Variants in TAFA2 observed in about 807,000 individuals in gnomAD.
The protein encoded by TAFA2 is TAFA chemokine like family member 2.
Under a neutral mutation model 18.8 loss-of-function variants are expected in TAFA2, and 7 were observed. The observed-to-expected ratio is 0.37, with a 90% CI of 0.21 to 0.70. The LOEUF (loss-of-function observed/expected upper bound fraction) is 0.70. Ranked by LOEUF, TAFA2 falls within the 30% of genes least tolerant of loss-of-function variation. The pLI, the probability that TAFA2 is intolerant of heterozygous loss-of-function variation, is 0.53. For missense variants in TAFA2, 122 were observed against 158.1 expected (o/e 0.77, Z 1.23); for synonymous variants, 60 against 54.2 (o/e 1.11, Z -0.47).
chr12:61,909,823 C>G (rs1222916816), intron 1 of TAFA2, among the ~76,000 whole-genome samples: 1 of 152,050 alleles, frequency 6.6e-6, no homozygotes, highest in African/African-American at 2.4e-5. Flanking sequence ...AGAGAGTGAT[C>G]AAAGTTTGGA....
intron 1 of TAFA2, among the ~76,000 whole-genome samples, chr12:62,012,832 T>C (rs2136716204): frequency 6.6e-6 from 1 of 152,232 alleles, no homozygotes; most frequent in East Asian, 1.9e-4. Context: ...TATTGCAAGG[T>C]TTAAAAAATC....
chr12:62,066,327 A>G (rs1046218392), intron 1 of TAFA2, among the ~76,000 whole-genome samples: 16 of 151,924 alleles, frequency 1.1e-4, no homozygotes, highest in African/African-American at 3.6e-4. Context: ...TGTCCTTTTA[A>G]GTGTCCAATT....
At chr12:62,214,826 C>T (rs2062727617) in intron 1 of TAFA2, among the ~76,000 whole-genome samples, 1 of 152,182 alleles carries the variant, frequency 6.6e-6, no homozygotes, top group Non-Finnish European at 1.5e-5. Flanking sequence ...AGACATCAGT[C>T]TATGGTACTT....
At chr12:62,049,129 G>C (rs1881985454) in intron 1 of TAFA2, among the ~76,000 whole-genome samples, 1 of 152,116 alleles carries the variant, frequency 6.6e-6, no homozygotes, top group Non-Finnish European at 1.5e-5. Flanking sequence ...AGTCACAAAG[G>C]TAATATGTCT....
chr12:61,954,638 T>G (rs1878589333), intron 1 of TAFA2, among the ~76,000 whole-genome samples: 1 of 152,118 alleles, frequency 6.6e-6, no homozygotes, highest in Non-Finnish European at 1.5e-5. Context: ...ATGGGTAAGG[T>G]GGGCACAGCA....
At chr12:61,794,357 A>G in intron 2 of TAFA2, among the ~76,000 whole-genome samples, 1 of 152,204 alleles carries the variant, frequency 6.6e-6, no homozygotes, top group Admixed American at 6.6e-5. Flanking sequence ...CATAAAAATC[A>G]TTTGTATATC....
intron 1 of TAFA2, among the ~76,000 whole-genome samples, chr12:62,022,731 AAACTTTAACTCCCT>A (rs1298891346): frequency 1.3e-5 from 2 of 152,348 alleles, no homozygotes; most frequent in African/African-American, 2.4e-5. Context: ...GCTGTAGCAT[AAACTTTAACTCCCT>A]TCGTCAAGCA....
At chr12:62,106,981 A>C (rs1869488448) in intron 1 of TAFA2, among the ~76,000 whole-genome samples, 1 of 152,164 alleles carries the variant, frequency 6.6e-6, no homozygotes, top group Non-Finnish European at 1.5e-5. Context: ...GACATAGGTC[A>C]AGACAAAATT....
intron 1 of TAFA2, among the ~76,000 whole-genome samples, chr12:61,922,619 T>C (rs1470684761): frequency 6.6e-6 from 1 of 152,206 alleles, no homozygotes; most frequent in Non-Finnish European, 1.5e-5. Flanking sequence ...GGAGATTCCC[T>C]TGGGTGCCAA....
intron 1 of TAFA2, among the ~76,000 whole-genome samples, chr12:61,871,677 C>CT (rs1874609125): frequency 6.6e-6 from 1 of 152,186 alleles, no homozygotes; most frequent in African/African-American, 2.4e-5. Context: ...AAGTGGAGGA[C>CT]TGACGATTAA....
intron 1 of TAFA2, among the ~76,000 whole-genome samples, chr12:62,034,178 A>G (rs1244147773): frequency 2.6e-5 from 4 of 152,182 alleles, no homozygotes; most frequent in Admixed American, 2.0e-4. Context: ...TTTTAACTCC[A>G]GGAAAACTAA....
chr12:61,999,040 G>A (rs760208586), intron 1 of TAFA2, among the ~76,000 whole-genome samples: 3 of 152,160 alleles, frequency 2.0e-5, no homozygotes, highest in Non-Finnish European at 2.9e-5. Context: ...CTGCATGAAC[G>A]AGATCTAGTT....
chr12:61,784,495 T>A (rs879385979), intron 2 of TAFA2, among the ~76,000 whole-genome samples: 2 of 151,488 alleles, frequency 1.3e-5, no homozygotes, highest in Admixed American at 6.6e-5. Flanking sequence ...TCGTTCTCTT[T>A]TAATGGTACT....
intron 1 of TAFA2, among the ~76,000 whole-genome samples, chr12:62,046,159 C>A (rs889122809): frequency 1.3e-5 from 2 of 151,968 alleles, no homozygotes; most frequent in African/African-American, 4.8e-5. Context: ...AGGACTGGAT[C>A]CAAAAGATTA....
At chr12:62,077,418 T>G (rs1868257513) in intron 1 of TAFA2, among the ~76,000 whole-genome samples, 1 of 152,226 alleles carries the variant, frequency 6.6e-6, no homozygotes, top group East Asian at 1.9e-4. Context: ...CAAGTAATGA[T>G]TGTTCAATTA....
intron 1 of TAFA2, among the ~76,000 whole-genome samples, chr12:62,228,172 C>T (rs557806308): frequency 1.3e-5 from 2 of 152,174 alleles, no homozygotes; most frequent in Admixed American, 6.5e-5. Context: ...TTTTTCAACC[C>T]TTTCCCTCTT....
intron 1 of TAFA2, among the ~76,000 whole-genome samples, chr12:62,074,311 A>G (rs1465892345): frequency 6.6e-6 from 1 of 152,238 alleles, no homozygotes; most frequent in Non-Finnish European, 1.5e-5. Context: ...TTTGCATCAC[A>G]AAAATTTCAA....
intron 2 of TAFA2, among the ~76,000 whole-genome samples, chr12:61,841,497 G>A (rs146974034): frequency 1.5e-3 from 221 of 152,074 alleles, no homozygotes; most frequent in African/African-American, 5.0e-3. Context: ...CATTCTATTG[G>A]TCTATACGTC....
At chr12:61,903,316 T>C (rs1012821475) in intron 1 of TAFA2, among the ~76,000 whole-genome samples, 20 of 152,172 alleles carry the variant, frequency 1.3e-4, no homozygotes, top group African/African-American at 4.8e-4. Context: ...ACTGCCAAAC[T>C]CAAGTTCTGA....
Sources: gnomAD v4.1 joint callset for allele counts (sites outside exome capture counted in the v4.1 genomes callset) on GRCh38, gnomAD v4.1.1 for gene constraint, MANE v1.5 for transcripts, NCBI Gene and HGNC (gene_info 2026-07-23, HGNC 2026-07-21) for gene names.